Variants in FCHO2 observed in about 807,000 individuals in gnomAD.
The protein encoded by FCHO2 is F-BAR domain only protein 2.
A neutral mutation model predicts 114.1 loss-of-function variants in FCHO2; 43 were observed. That is an observed-to-expected ratio of 0.38 (90% CI 0.30 to 0.49). FCHO2 has a LOEUF of 0.49. Ranked by LOEUF, FCHO2 falls within the 20% of genes least tolerant of loss-of-function variation. The pLI, the probability that FCHO2 is intolerant of heterozygous loss-of-function variation, is 0.97. For synonymous variants in FCHO2, 293 were observed against 315.2 expected (o/e 0.93, Z 0.75); for missense variants, 807 against 950.4 (o/e 0.85, Z 1.98).
At chr5:73,006,697 G>A (rs192964706) in intron 6 of FCHO2, 148 bp downstream of exon 6, 40 of 555,540 alleles carry the variant, frequency 7.2e-5, no homozygotes, top group South Asian at 3.0e-4. Context: ...AATACATGTC[G>A]CGTTTTGGAG....
At chr5:73,035,756 G>A (rs1756466524) in intron 9 of FCHO2, among the ~76,000 whole-genome samples, 1 of 151,958 alleles carries the variant, frequency 6.6e-6, no homozygotes, top group Non-Finnish European at 1.5e-5. Context: ...ATCCACCTTA[G>A]CCTCCAAAGT....
At chr5:72,963,466 T>G (rs577683329) in intron 1 of FCHO2, among the ~76,000 whole-genome samples, 62 of 152,308 alleles carry the variant, frequency 4.1e-4, no homozygotes, top group Non-Finnish European at 7.9e-4. Context: ...TGTCTTGGTA[T>G]TTTCAGTTGA....
chr5:73,083,176 G>C (rs201172571), intron 24 of FCHO2, among the ~76,000 whole-genome samples: 1 of 151,956 alleles, frequency 6.6e-6, no homozygotes, highest in East Asian at 1.9e-4. Context: ...GAGCCACTGC[G>C]CCTGGCCATG....
intron 11 of FCHO2, among the ~76,000 whole-genome samples, chr5:73,045,264 G>A (rs1385018513): frequency 1.3e-5 from 2 of 151,910 alleles, no homozygotes; most frequent in Non-Finnish European, 2.9e-5. Context: ...TTTTCCTTAC[G>A]CCTTCCTTAA....
chr5:73,052,189 C>T (rs1371637999), intron 12 of FCHO2, 143 bp from the exon 13 acceptor site: 2 of 744,928 alleles, frequency 2.7e-6, no homozygotes, highest in Non-Finnish European at 2.2e-6. Context: ...TCCCAAAGTC[C>T]TGGGATTACA....
chr5:73,045,046 CTT>C (rs995735473), intron 11 of FCHO2, among the ~76,000 whole-genome samples: 19 of 152,154 alleles, frequency 1.2e-4, no homozygotes, highest in African/African-American at 4.3e-4. Context: ...TTAAGAAAAA[CTT>C]TTTATTTTGA....
intron 25 of FCHO2, 31 bp from the exon 26 acceptor site, chr5:73,088,036 GT>G: frequency 1.2e-6 from 2 of 1,612,520 alleles, no homozygotes; most frequent in Non-Finnish European, 1.7e-6. Context: ...ATTTGAAATT[GT>G]AATTGCAAAG....
intron 10 of FCHO2, among the ~76,000 whole-genome samples, chr5:73,038,925 G>A (rs989900188): frequency 3.3e-5 from 5 of 152,226 alleles, no homozygotes; most frequent in Non-Finnish European, 7.4e-5. Context: ...AAGAATCATG[G>A]CCTTAAATTA....
At chr5:72,961,794 A>G (rs573699169) in intron 1 of FCHO2, among the ~76,000 whole-genome samples, 1 of 152,110 alleles carries the variant, frequency 6.6e-6, no homozygotes, top group African/African-American at 2.4e-5. Context: ...GGGATTCTCC[A>G]TGTTGAGGCT....
intron 19 of FCHO2, among the ~76,000 whole-genome samples, chr5:73,069,496 A>C (rs1003647593): frequency 6.6e-6 from 1 of 152,060 alleles, no homozygotes; most frequent in Non-Finnish European, 1.5e-5. Flanking sequence ...TTAGATTCTC[A>C]TAAGAGTGCG....
intron 5 of FCHO2, chr5:72,997,669 T>C: frequency 2.6e-6 from 4 of 1,527,720 alleles, no homozygotes; most frequent in East Asian, 4.5e-5. Context: ...TTCACCTGAG[T>C]TGGGGTTGGG....
At chr5:73,035,050 G>A (rs1276976956) in intron 9 of FCHO2, among the ~76,000 whole-genome samples, 1 of 152,022 alleles carries the variant, frequency 6.6e-6, no homozygotes, top group East Asian at 1.9e-4. Context: ...CCATATTCAG[G>A]AATATGAAAC....
rs150302013 is a variant in FCHO2, at chr5:73,057,220, C to T, written c.1253+1113C>T. On this transcript the variant is annotated intron_variant, in intron 16 of 25. Coordinates refer to ENST00000430046, the MANE Select transcript of FCHO2 (RefSeq NM_138782.3). The stretch of plus-strand genomic sequence containing the variant: ...TGATTACAGGCATGAGCCATCAAGC[C>T]TGGCCAGAGTTAATGTAAAATACAA... Among the ~76,000 whole-genome samples the T allele has an allele frequency of 1.9e-3, 285 of 152,212 alleles. 3 individuals are homozygous for T. Among genetic ancestry groups the T allele is most frequent in the African/African-American group, 6.5e-3 (268 of 41,530 alleles).
At position 73,041,329 on chromosome 5, in the gene FCHO2, A is replaced by G; in HGVS notation, c.939+14A>G. 6.9e-7 allele frequency: 1 copy of G among 1,446,446 alleles called. No individual in the cohort carries two copies. The highest frequency in any genetic ancestry group is 9.7e-7 in the Non-Finnish European group (1 of 1,035,832). The allele number at this position is 1,446,446 out of a possible 1,614,324, so 89.6% of individuals were successfully genotyped here. ...GCAGATTCATTGGTAAGTAGATTTA[A>G]CTTTGATATAAACAATTTAAATTAG... On this transcript the variant is annotated intron_variant, in intron 11 of 25. Coordinates refer to ENST00000430046, the MANE Select transcript of FCHO2 (RefSeq NM_138782.3).
At chr5:72,964,738 G>A (rs1337634225) in intron 1 of FCHO2, among the ~76,000 whole-genome samples, 1 of 152,140 alleles carries the variant, frequency 6.6e-6, no homozygotes, top group East Asian at 1.9e-4. Context: ...TCTCTTGCCA[G>A]TAGCTCTGCA....
rs769596006 is a variant in FCHO2, at chr5:73,041,659, C to T, written c.939+344C>T. On this transcript the variant is annotated intron_variant, in intron 11 of 25. Coordinates refer to ENST00000430046, the MANE Select transcript of FCHO2 (RefSeq NM_138782.3). ...TGTTCTTACTAATTTATTCTTAGCTCTATTAAAATACAACATTGTGCGTGC... is the reference window on the plus strand; with the variant it reads ...TGTTCTTACTAATTTATTCTTAGCTTTATTAAAATACAACATTGTGCGTGC... Among the ~76,000 whole-genome samples, 9 of 152,058 alleles carry T rather than the reference C, an allele frequency of 5.9e-5. No homozygotes were observed. The South Asian group carries it at 1.0e-3, about 18-fold the overall frequency.
At chr5:72,965,432 A>G (rs1475766256) in intron 1 of FCHO2, among the ~76,000 whole-genome samples, 2 of 152,246 alleles carry the variant, frequency 1.3e-5, no homozygotes, top group Non-Finnish European at 2.9e-5. Context: ...GAGCACATGC[A>G]GTTGGAAAAA....
Position 73,077,417 on chromosome 5 carries a change from C to G in FCHO2, c.1771C>G (p.Pro591Ala). Residue 591 changes from proline to alanine, a missense_variant, in exon 21 of 26, where the codon CCA becomes GCA. Pro to Ala is a conservative substitution (Grantham distance 27). Transcript: ENST00000430046. ...TAAAGTCTTCACCAGCAATCCAACT[C>G]CAGCTGTGTTGTGCTTCAGGGTGAA... ...IIKVFTSNPT[P>A]AVLCFRVKNI... 1 of 1,597,196 alleles carries G rather than the reference C, an allele frequency of 6.3e-7. No homozygotes were observed. Among genetic ancestry groups the G allele is most frequent in the Non-Finnish European group, 8.5e-7 (1 of 1,171,268 alleles).
At chr5:73,006,674 A>G in intron 6 of FCHO2, 125 bp downstream of exon 6, 1 of 612,664 alleles carries the variant, frequency 1.6e-6, no homozygotes, top group Non-Finnish European at 2.6e-6. Flanking sequence ...TTTGTTAATG[A>G]TGCTGTTTTA....
Sources: gnomAD v4.1 joint callset for allele counts (sites outside exome capture counted in the v4.1 genomes callset) on GRCh38, gnomAD v4.1.1 for gene constraint, MANE v1.5 for transcripts, NCBI Gene and HGNC (gene_info 2026-07-23, HGNC 2026-07-21) for gene names.